Variants in ARHGAP6 observed in about 807,000 individuals in gnomAD.
ARHGAP6 encodes the protein rho GTPase-activating protein 6.
In ARHGAP6, 16 loss-of-function variants were observed where a neutral mutation model predicts 55.7. The observed-to-expected ratio is 0.29, with a 90% CI of 0.19 to 0.44. The LOEUF (loss-of-function observed/expected upper bound fraction) is 0.44. Ranked by LOEUF, ARHGAP6 falls within the 20% of genes least tolerant of loss-of-function variation. The probability of loss-of-function intolerance (pLI) is 1.00; values close to 1 mark genes in which losing one functional copy is unlikely to be tolerated. For missense variants in ARHGAP6, 698 were observed against 808.9 expected (o/e 0.86, Z 1.66); for synonymous variants, 382 against 360.9 (o/e 1.06, Z -0.66).
chrX:11,224,662 AG>A (rs111677413), intron 2 of ARHGAP6, among the ~76,000 whole-genome samples: 3 of 107,146 alleles, frequency 2.8e-5, no homozygotes, highest in Non-Finnish European at 5.8e-5. Context: ...ATGTTGGTGG[AG>A]GGGGGGCGGT....
At chrX:11,536,229 C>G (rs897761028) in intron 1 of ARHGAP6, among the ~76,000 whole-genome samples, 6 of 111,641 alleles carry the variant, frequency 5.4e-5, no homozygotes, top group Non-Finnish European at 1.9e-5. Flanking sequence ...CAGCTCTCTG[C>G]CTATAAGCTT....
intron 1 of ARHGAP6, among the ~76,000 whole-genome samples, chrX:11,285,030 C>T (rs911445588): frequency 3.6e-5 from 4 of 111,490 alleles, no homozygotes; most frequent in Non-Finnish European, 7.5e-5. Flanking sequence ...CCACAGCACA[C>T]CTTGGACAGG....
chrX:11,262,272 G>A (rs995918430), intron 1 of ARHGAP6, among the ~76,000 whole-genome samples: 1 of 111,302 alleles, frequency 9.0e-6, no homozygotes, highest in Non-Finnish European at 1.9e-5. Flanking sequence ...CTCACCAAAA[G>A]TGTTAACTAA....
intron 1 of ARHGAP6, among the ~76,000 whole-genome samples, chrX:11,273,866 G>A (rs907740581): frequency 4.5e-5 from 5 of 111,620 alleles, no homozygotes; most frequent in African/African-American, 1.6e-4. Context: ...TACATATAGT[G>A]TGTACCCATT....
chrX:11,216,781 T>C (rs1252841117), intron 2 of ARHGAP6, among the ~76,000 whole-genome samples: 2 of 111,570 alleles, frequency 1.8e-5, no homozygotes, highest in Admixed American at 1.9e-4. Flanking sequence ...GTTTGTTACA[T>C]AGGTATACAT....
At chrX:11,377,622 C>T (rs1406326019) in intron 1 of ARHGAP6, among the ~76,000 whole-genome samples, 3 of 111,563 alleles carry the variant, frequency 2.7e-5, no homozygotes, top group Non-Finnish European at 5.6e-5. Context: ...CTCATTTGCC[C>T]CATATTGTGC....
chrX:11,447,885 GTA>G (rs1482842676), intron 1 of ARHGAP6, among the ~76,000 whole-genome samples: 1 of 112,108 alleles, frequency 8.9e-6, no homozygotes, highest in Non-Finnish European at 1.9e-5. Context: ...TGGTTGACAT[GTA>G]TATTTATTGA....
intron 11 of ARHGAP6, chrX:11,143,522 C>T: frequency 2.5e-6 from 2 of 809,676 alleles, no homozygotes; most frequent in Non-Finnish European, 3.0e-6. Context: ...GCTCTCTTGT[C>T]ATTGGATACT....
At chrX:11,372,646 C>T (rs1316232413) in intron 1 of ARHGAP6, among the ~76,000 whole-genome samples, 3 of 107,847 alleles carry the variant, frequency 2.8e-5, no homozygotes, top group African/African-American at 1.0e-4. Context: ...GTGGCACGCG[C>T]CTGTAGTCCC....
intron 1 of ARHGAP6, among the ~76,000 whole-genome samples, chrX:11,262,780 G>A (rs931658660): frequency 3.6e-5 from 4 of 111,409 alleles, no homozygotes; most frequent in Non-Finnish European, 7.5e-5. Context: ...AGTCTCACTG[G>A]CATGGTGGTG....
chrX:11,422,219 T>A, intron 1 of ARHGAP6, among the ~76,000 whole-genome samples: 1 of 109,295 alleles, frequency 9.1e-6, no homozygotes. Flanking sequence ...GAGAAAGCAG[T>A]CAGGAAAGGC....
intron 2 of ARHGAP6, among the ~76,000 whole-genome samples, chrX:11,248,611 A>G (rs1468403545): frequency 8.9e-6 from 1 of 112,326 alleles, no homozygotes; most frequent in Non-Finnish European, 1.9e-5. Context: ...GGCTAAGGAC[A>G]CGAATAGAAA....
At chrX:11,599,706 T>A (rs764782631) in intron 1 of ARHGAP6, among the ~76,000 whole-genome samples, 1 of 111,528 alleles carries the variant, frequency 9.0e-6, no homozygotes, top group African/African-American at 3.3e-5. Context: ...CTCTGGTGGG[T>A]AGCATGGTAA....
At chrX:11,570,748 A>T (rs186017503) in intron 1 of ARHGAP6, among the ~76,000 whole-genome samples, 1 of 111,879 alleles carries the variant, frequency 8.9e-6, no homozygotes, top group Non-Finnish European at 1.9e-5. Flanking sequence ...TTAAACACTA[A>T]ATCTACAATT....
intron 1 of ARHGAP6, among the ~76,000 whole-genome samples, chrX:11,492,627 A>T (rs755301431): frequency 8.9e-6 from 1 of 111,815 alleles, no homozygotes; most frequent in South Asian, 3.8e-4. Context: ...TAGTTGTGGA[A>T]AAAGGAATAT....
At chrX:11,661,555 C>G (rs755617430) in intron 1 of ARHGAP6, among the ~76,000 whole-genome samples, 16 of 112,252 alleles carry the variant, frequency 1.4e-4, no homozygotes, top group Non-Finnish European at 3.0e-4. Context: ...TAAAAGCAGA[C>G]AAGATTCTGA....
intron 2 of ARHGAP6, among the ~76,000 whole-genome samples, chrX:11,234,725 G>A (rs1266151967): frequency 3.6e-5 from 4 of 112,394 alleles, no homozygotes; most frequent in South Asian, 3.7e-4. Context: ...GAAAACTTAC[G>A]TCCACACAAA....
At chrX:11,343,642 G>A (rs1207849733) in intron 1 of ARHGAP6, among the ~76,000 whole-genome samples, 1 of 111,187 alleles carries the variant, frequency 9.0e-6, no homozygotes, top group East Asian at 2.8e-4. Flanking sequence ...AAATGCAACT[G>A]TTTGAACCCC....
Position 11,665,450 on chromosome X carries a change from T to G in ARHGAP6, c.-622A>C, listed in dbSNP as rs2052748030. On this transcript the variant is annotated 5_prime_UTR_variant, in exon 1 of 13. Coordinates refer to ENST00000337414, the MANE Select transcript of ARHGAP6 (RefSeq NM_013427.3). ...GCGCGCCTGGCCTCCGCTGGGCTGC[T>G]GCGCCCACTCTTCCGACTGCAGAGG... 8.8e-6 allele frequency: 1 copy of G among 113,707 alleles called. No individual in the cohort carries two copies. Among genetic ancestry groups the G allele is most frequent in the Non-Finnish European group, 1.9e-5 (1 of 53,518 alleles). The allele number at this position is 113,707 out of a possible 1,213,427, so 9.4% of individuals were successfully genotyped here.
Sources: allele counts gnomAD v4.1 joint callset (sites outside exome capture counted in the v4.1 genomes callset), GRCh38; gene constraint gnomAD v4.1.1; transcripts MANE v1.5; gene names NCBI Gene and HGNC (gene_info 2026-07-23, HGNC 2026-07-21).